The following SCN2A variants were observed in gnomAD, a reference collection of about 807,000 sequenced individuals.
SCN2A encodes the protein sodium channel protein type 2 subunit alpha.
SCN2A carries 20 observed loss-of-function variants against 188.7 expected under a neutral mutation model. The observed-to-expected ratio is 0.11, with a 90% CI of 0.07 to 0.15. The LOEUF (loss-of-function observed/expected upper bound fraction) is 0.15. SCN2A is among the 10% of genes least tolerant of loss of function. The pLI is 1.00. For missense variants in SCN2A, 1,278 were observed against 2,445.0 expected (o/e 0.52, Z 10.07); for synonymous variants, 804 against 833.1 (o/e 0.97, Z 0.60).
At chr2:165,268,634 G>A (rs1031593604) in intron 1 of SCN2A, 2 of 152,280 alleles carry the variant, frequency 1.3e-5, no homozygotes, top group Non-Finnish European at 2.9e-5. Context: ...ACAAGACAAG[G>A]TGACAAAATT....
intron 11 of SCN2A, among the ~76,000 whole-genome samples, chr2:165,319,803 C>A (rs1048606883): frequency 2.6e-5 from 4 of 152,196 alleles, no homozygotes; most frequent in Non-Finnish European, 5.9e-5. Flanking sequence ...CTGACCAGGT[C>A]CCTCCCACAA....
At chr2:165,321,483 G>C (rs1698073652) in intron 11 of SCN2A, among the ~76,000 whole-genome samples, 1 of 152,156 alleles carries the variant, frequency 6.6e-6, no homozygotes, top group South Asian at 2.1e-4. Context: ...TTTTCATGCT[G>C]CTGATAAAGA....
Position 165,331,532 on chromosome 2 carries a change from G to C in SCN2A, c.2352G>C (p.Thr784=). The change falls in exon 14 of 27, where the codon ACG becomes ACC. Residue 784 remains threonine (T), a synonymous_variant. Transcript: ENST00000375437. ...TGGCTATGGAGCACTATCCCATGAC[G>C]GAGCAGTTCAGCAGTGTACTGTCTG... The part of the protein sequence containing the change: ...LFMAMEHYPM[T]EQFSSVLSVG... The C allele has an allele frequency of 1.2e-6, 2 of 1,613,580 alleles. No individual in the cohort carries two copies. The highest frequency in any genetic ancestry group is 1.7e-6 in the Non-Finnish European group (2 of 1,179,648).
chr2:165,348,436 A>T (rs769190528), intron 16 of SCN2A, among the ~76,000 whole-genome samples: 1 of 152,000 alleles, frequency 6.6e-6, no homozygotes, highest in Admixed American at 6.6e-5. Context: ...GTCCCCAAAG[A>T]TAGAGAAAGG....
intron 26 of SCN2A, 119 bp downstream of exon 26, chr2:165,387,135 T>A: frequency 1.9e-6 from 2 of 1,037,860 alleles, no homozygotes; most frequent in Non-Finnish European, 2.9e-6. Flanking sequence ...AATAAAAATC[T>A]AATAGTCCAT....
At chr2:165,319,885 C>A (rs906958082) in intron 11 of SCN2A, among the ~76,000 whole-genome samples, 3 of 152,138 alleles carry the variant, frequency 2.0e-5, no homozygotes, top group African/African-American at 7.2e-5. Flanking sequence ...TGTCATTCCA[C>A]CCCCGGCCCC....
chr2:165,242,065 A>G (rs1693648040), intron 1 of SCN2A, among the ~76,000 whole-genome samples: 1 of 152,106 alleles, frequency 6.6e-6, no homozygotes, highest in African/African-American at 2.4e-5. Flanking sequence ...CTGGGGCAGT[A>G]AAAGTAAGGA....
chr2:165,367,561 G>A (rs769830725), intron 19 of SCN2A, among the ~76,000 whole-genome samples, 190 bp downstream of exon 19: 14 of 152,110 alleles, frequency 9.2e-5, no homozygotes, highest in Admixed American at 2.6e-4. Flanking sequence ...AGTAGCCCTC[G>A]GGTGGAACCA....
At chr2:165,316,198 A>C (rs1345791208) in intron 11 of SCN2A, among the ~76,000 whole-genome samples, 1 of 152,178 alleles carries the variant, frequency 6.6e-6, no homozygotes, top group Non-Finnish European at 1.5e-5. Context: ...TGCCAAGTGC[A>C]TTCTTCATGC....
At chr2:165,362,397 T>C (rs1326477006) in intron 17 of SCN2A, among the ~76,000 whole-genome samples, 1 of 151,792 alleles carries the variant, frequency 6.6e-6, no homozygotes, top group Non-Finnish European at 1.5e-5. Flanking sequence ...CCAGAGAAAA[T>C]GAATAAAAAA....
chr2:165,309,347 T>G lies in SCN2A; in HGVS notation c.606-5T>G. The G allele has an allele frequency of 6.2e-7, 1 of 1,613,674 alleles. No individual in the cohort carries two copies. Among genetic ancestry groups the G allele is most frequent in the Non-Finnish European group, 8.5e-7 (1 of 1,179,718 alleles). On this transcript the variant is annotated splice_region_variant and splice_polypyrimidine_tract_variant and intron_variant, in intron 5 of 26. Transcript: ENST00000375437. Reference sequence around the variant, plus strand: ...TTGTGTTTGTGTGTGAACCCCCTATTACAGATATGTGACAGAGTTTGTGGA... The same window carrying G: ...TTGTGTTTGTGTGTGAACCCCCTATGACAGATATGTGACAGAGTTTGTGGA...
intron 14 of SCN2A, among the ~76,000 whole-genome samples, chr2:165,333,677 A>G (rs1698822196): frequency 6.6e-6 from 1 of 151,962 alleles, no homozygotes; most frequent in East Asian, 1.9e-4. Flanking sequence ...TATACTCTAA[A>G]TGTCTATAGT....
In SCN2A at chr2:165,389,478, T is replaced by A. The variant is rs758908934; in HGVS notation, c.5672T>A (p.Val1891Asp). Residue 1891 changes from valine to aspartate, a missense_variant, in exon 27 of 27, where the codon GTC (valine) becomes GAC (aspartate). Coordinates refer to ENST00000375437, the MANE Select transcript of SCN2A (RefSeq NM_001040142.2). The surrounding 1 kb of genome is among the most constrained non-coding windows in gnomAD (Gnocchi z 4.2). ...TTCATGGCATCAAACCCCTCCAAAG[T>A]CTCTTATGAGCCCATTACGACCACG... ...ERFMASNPSK[V>D]SYEPITTTLK... 5 of 1,613,648 alleles carry A rather than the reference T, an allele frequency of 3.1e-6. No homozygotes were observed. In the African/African-American group the frequency reaches 5.3e-5, roughly 17 times the overall value.
chr2:165,284,394 C>T (rs1695735487), intron 1 of SCN2A, among the ~76,000 whole-genome samples: 1 of 152,082 alleles, frequency 6.6e-6, no homozygotes, highest in Non-Finnish European at 1.5e-5. Context: ...TGGTCTCAAT[C>T]TCCTGACCTC....
intron 16 of SCN2A, among the ~76,000 whole-genome samples, chr2:165,350,464 C>T (rs6712414): frequency 0.14 from 10,419 of 73,622 alleles, 712 homozygotes; most frequent in East Asian, 0.2. Context: ...TGTTTTCTTT[C>T]TTTTTTTTTT....
intron 24 of SCN2A, 53 bp downstream of exon 24, chr2:165,380,782 T>G: frequency 1.5e-6 from 2 of 1,368,634 alleles, no homozygotes; most frequent in Non-Finnish European, 2.1e-6. Context: ...AAATATTTCA[T>G]ACTCTTTCCT....
In SCN2A at chr2:165,386,732, A is replaced by G. The variant is rs775130301; in HGVS notation, c.4552-14A>G. 109 of 1,610,064 alleles carry G rather than the reference A, an allele frequency of 6.8e-5. No individual in the cohort carries two copies. The highest frequency in any genetic ancestry group is 8.9e-5 in the Non-Finnish European group (105 of 1,176,978). On this transcript the variant is annotated splice_polypyrimidine_tract_variant and intron_variant, in intron 25 of 26. Transcript: ENST00000375437. ...AAGGTTTCTAATGGAACTTTTACAT[A>G]TTATTTGTTCCAGAACAAATTCCAA... is the stretch of plus-strand genomic sequence containing the variant.
In SCN2A at chr2:165,333,750, G is replaced by A. The variant is rs777142; in HGVS notation, c.2388+2182G>A. 4.5e-3 allele frequency among the ~76,000 whole-genome samples: 677 copies of A among 151,240 alleles called. 9 individuals carry two copies. Among genetic ancestry groups the A allele is most frequent in the Middle Eastern group, 0.031 (9 of 292 alleles). ...TTTTTAATAAACTAGATAAAGAATAGCAAATTAAACCTGAAGTTAACAGAA... is the reference window on the plus strand; with the variant it reads ...TTTTTAATAAACTAGATAAAGAATAACAAATTAAACCTGAAGTTAACAGAA... On this transcript the variant is annotated intron_variant, in intron 14 of 26. Transcript: ENST00000375437.
rs142698622 is a variant in SCN2A at position 165,319,414 on chromosome 2, A to G, written c.1671+3656A>G. Among the ~76,000 whole-genome samples the G allele has an allele frequency of 8.2e-3, 1,248 of 152,358 alleles. 24 individuals carry two copies. Among genetic ancestry groups the G allele is most frequent in the African/African-American group, 0.028 (1,155 of 41,596 alleles). ...AGAATCACATAAGATAGTGTTTAACATTTACAGACATTTAATAGAAACTAA... is the reference window on the plus strand; with the variant it reads ...AGAATCACATAAGATAGTGTTTAACGTTTACAGACATTTAATAGAAACTAA... On this transcript the variant is annotated intron_variant, in intron 11 of 26. Transcript: ENST00000375437.
Sources: allele counts gnomAD v4.1 joint callset (sites outside exome capture counted in the v4.1 genomes callset), GRCh38; gene constraint gnomAD v4.1.1; non-coding constraint Gnocchi (gnomAD v3.1); transcripts MANE v1.5; gene names NCBI Gene and HGNC (gene_info 2026-07-23, HGNC 2026-07-21).